GCNT2: variants seen among roughly 807,000 people sequenced by gnomAD.
GCNT2 encodes the protein N-acetyllactosaminide beta-1,6-N-acetylglucosaminyl-transferase.
Under a neutral mutation model 34.2 loss-of-function variants are expected in GCNT2, and 34 were observed. That is an observed-to-expected ratio of 1.00 (90% CI 0.76 to 1.32). The LOEUF (loss-of-function observed/expected upper bound fraction) is 1.32. Among genes scored for constraint, GCNT2 ranks in the 40% most tolerant of loss-of-function variants. The pLI is 0.00. For synonymous variants in GCNT2, 212 were observed against 188.0 expected (o/e 1.13, Z -1.04); for missense variants, 584 against 489.4 (o/e 1.19, Z -1.82).
At chr6:10,546,523 G>A (rs1762277366) in intron 3 of GCNT2, among the ~76,000 whole-genome samples, 1 of 152,128 alleles carries the variant, frequency 6.6e-6, no homozygotes, top group Non-Finnish European at 1.5e-5. Context: ...GCCAGGCGTG[G>A]TGGCAGGTGC....
intron 3 of GCNT2, among the ~76,000 whole-genome samples, chr6:10,598,254 C>A (rs536443595): frequency 1.2e-4 from 18 of 152,300 alleles, no homozygotes; most frequent in Admixed American, 1.0e-3. Context: ...CTTCCGGTGA[C>A]TTATCTGTAA....
intron 3 of GCNT2, among the ~76,000 whole-genome samples, chr6:10,578,698 G>A (rs1341574826): frequency 6.6e-6 from 1 of 151,982 alleles, no homozygotes; most frequent in Non-Finnish European, 1.5e-5. Flanking sequence ...CGCCTGCCTT[G>A]GCCTCCCAAA....
chr6:10,611,687 G>C (rs2127436045), intron 3 of GCNT2, among the ~76,000 whole-genome samples: 1 of 152,044 alleles, frequency 6.6e-6, no homozygotes, highest in East Asian at 1.9e-4. Flanking sequence ...GAGGCTACAA[G>C]TTATTTAACA....
At chr6:10,589,250 GTGTA>G (rs1272614168) in intron 3 of GCNT2, among the ~76,000 whole-genome samples, 1 of 148,040 alleles carries the variant, frequency 6.8e-6, no homozygotes. Context: ...TGTGTGTGGT[GTGTA>G]TGTACATGTG....
At chr6:10,580,819 C>T (rs1222998556) in intron 3 of GCNT2, among the ~76,000 whole-genome samples, 2 of 152,128 alleles carry the variant, frequency 1.3e-5, no homozygotes, top group African/African-American at 4.8e-5. Flanking sequence ...AGAGAAATCC[C>T]AGCACTGCTC....
intron 4 of GCNT2, among the ~76,000 whole-genome samples, chr6:10,626,191 T>C (rs1766246722): frequency 6.6e-6 from 1 of 152,224 alleles, no homozygotes; most frequent in Non-Finnish European, 1.5e-5. Context: ...TTATGCCTTG[T>C]ATGATTTAAC....
intron 3 of GCNT2, among the ~76,000 whole-genome samples, chr6:10,617,367 C>T (rs1765823662): frequency 6.6e-6 from 1 of 152,210 alleles, no homozygotes; most frequent in South Asian, 2.1e-4. Context: ...GCAAGCGCTG[C>T]GCGCAGCCCT....
intron 3 of GCNT2, among the ~76,000 whole-genome samples, chr6:10,558,727 C>G (rs1762835085): frequency 6.6e-6 from 1 of 152,298 alleles, no homozygotes; most frequent in African/African-American, 2.4e-5. Context: ...GCCTGCTGGG[C>G]GATAAACACG....
rs1561816687 is a variant in GCNT2, at chr6:10,582,443, T to A, written c.926-38908T>A. On this transcript the variant is annotated intron_variant, in intron 3 of 4. Transcript: ENST00000495262. ...ATTATATACTATAATTTAATATTTA[T>A]TATATAATATATATAATAAATATAA... Among the ~76,000 whole-genome samples, 278 of 119,916 alleles carry A rather than the reference T, an allele frequency of 2.3e-3. 8 individuals are homozygous for A. The highest frequency in any genetic ancestry group is 9.7e-3 in the African/African-American group (258 of 26,486). 78.7% of individuals were successfully genotyped at this position (119,916 alleles called of 152,430 possible).
chr6:10,544,615 CATAAA>C (rs565188738), intron 3 of GCNT2, among the ~76,000 whole-genome samples: 7,107 of 150,508 alleles, frequency 0.047, 571 homozygotes, highest in African/African-American at 0.16. Context: ...AAAATAAATA[CATAAA>C]ATAAAATAAA....
chr6:10,573,134 C>G, intron 3 of GCNT2: 3 of 953,322 alleles, frequency 3.1e-6, no homozygotes, highest in Non-Finnish European at 3.7e-6. Context: ...TGAAAGTGTT[C>G]GGAAGATATA....
chr6:10,616,798 C>G (rs536251095), intron 3 of GCNT2, among the ~76,000 whole-genome samples: 2 of 152,226 alleles, frequency 1.3e-5, no homozygotes, highest in Admixed American at 1.3e-4. Flanking sequence ...TAAAGTTTCT[C>G]CAAGACCCAA....
chr6:10,585,837 A>G, intron 3 of GCNT2: 1 of 1,486,536 alleles, frequency 6.7e-7, no homozygotes, highest in Non-Finnish European at 8.9e-7. Context: ...GAAGCAGAGG[A>G]TACAGGAGGA....
At chr6:10,558,298 T>C (rs544517802) in intron 3 of GCNT2, among the ~76,000 whole-genome samples, 12 of 152,164 alleles carry the variant, frequency 7.9e-5, no homozygotes, top group Non-Finnish European at 1.3e-4. Context: ...AATCAGTGAG[T>C]GAGTGAATGA....
rs2127396314 is a variant in GCNT2 at position 10,571,135 on chromosome 6, C to G, written c.925+41299C>G. On this transcript the variant is annotated intron_variant, in intron 3 of 4. Coordinates refer to ENST00000495262, the MANE Select transcript of GCNT2 (RefSeq NM_145649.5). ...AGAGATCAAGTGGCTGGCTGATTGT[C>G]CTGCTCCTTAAAATGAGTTTACATT... is the stretch of plus-strand genomic sequence containing the variant. Among the ~76,000 whole-genome samples, 2 of 152,240 alleles carry G rather than the reference C, an allele frequency of 1.3e-5. 1 individual carries two copies. The highest frequency in any genetic ancestry group is 4.1e-4 in the South Asian group (2 of 4,822).
At chr6:10,564,425 C>A (rs1270483083) in intron 3 of GCNT2, among the ~76,000 whole-genome samples, 1 of 152,206 alleles carries the variant, frequency 6.6e-6, no homozygotes, top group Admixed American at 6.5e-5. Context: ...TCTCCCTACC[C>A]TCATCCCTGC....
chr6:10,579,764 T>G (rs1430583870), intron 3 of GCNT2, among the ~76,000 whole-genome samples: 1 of 141,824 alleles, frequency 7.1e-6, no homozygotes, highest in East Asian at 2.1e-4. Flanking sequence ...TGCAGTGAGC[T>G]GAGATCGTGC....
At chr6:10,596,088 A>G (rs1172479318) in intron 3 of GCNT2, among the ~76,000 whole-genome samples, 2 of 152,164 alleles carry the variant, frequency 1.3e-5, no homozygotes, top group African/African-American at 2.4e-5. Context: ...AAGTAAAAAT[A>G]TTTTTATCCA....
At chr6:10,601,951 A>C (rs983421028) in intron 3 of GCNT2, among the ~76,000 whole-genome samples, 8 of 149,132 alleles carry the variant, frequency 5.4e-5, no homozygotes, top group East Asian at 1.9e-4. Context: ...AAGAAAAAAA[A>C]AAAAAAAAAC....
Sources: gnomAD v4.1 joint callset for allele counts (sites outside exome capture counted in the v4.1 genomes callset) on GRCh38, gnomAD v4.1.1 for gene constraint, MANE v1.5 for transcripts, NCBI Gene and HGNC (gene_info 2026-07-23, HGNC 2026-07-21) for gene names.